Variants in SOX5 observed in about 807,000 individuals in gnomAD.
SOX5 encodes the protein SRY-box transcription factor 5.
In SOX5, 9 loss-of-function variants were observed where a neutral mutation model predicts 92.0. The ratio of observed to expected loss-of-function variants is 0.10; its 90% CI spans 0.06 to 0.17. The LOEUF (loss-of-function observed/expected upper bound fraction) is 0.17. SOX5 is among the 10% of genes least tolerant of loss of function. SOX5 has a pLI of 1.00. For missense variants in SOX5, 642 were observed against 944.5 expected, an observed-to-expected ratio of 0.68 and a Z score of 4.20; for synonymous variants, 344 against 336.3, an observed-to-expected ratio of 1.02 and a Z score of -0.25.
intron 7 of SOX5, among the ~76,000 whole-genome samples, chr12:23,654,129 G>A (rs2082020813): frequency 3.9e-5 from 6 of 152,076 alleles, no homozygotes; most frequent in Admixed American, 3.9e-4. Context: ...ACTTTGTTGA[G>A]TTGCAAATGT....
intron 4 of SOX5, among the ~76,000 whole-genome samples, chr12:24,116,766 G>A (rs1320199740): frequency 6.6e-6 from 1 of 152,154 alleles, no homozygotes; most frequent in African/African-American, 2.4e-5. Context: ...TATGGATGTA[G>A]TAAGGTACTG....
chr12:24,302,230 C>T (rs1948047165), intron 2 of SOX5, among the ~76,000 whole-genome samples: 5 of 152,116 alleles, frequency 3.3e-5, no homozygotes, highest in Admixed American at 3.3e-4. Flanking sequence ...GTTTCTCTCA[C>T]CCCTACATAT....
chr12:24,502,090 C>T lies in SOX5; in HGVS notation c.-251+60239G>A, dbSNP rs571636614. 7.9e-5 allele frequency among the ~76,000 whole-genome samples: 12 copies of T among 152,284 alleles called. No individual in the cohort carries two copies. In the South Asian group the frequency reaches 8.3e-4, roughly 11 times the overall value. ...GGCTCCACCTACAAACCTCTAAACACGCCAACTTATGTATTTAATATTTCT... is the reference window on the plus strand; with the variant it reads ...GGCTCCACCTACAAACCTCTAAACATGCCAACTTATGTATTTAATATTTCT... On this transcript the variant is annotated intron_variant, in intron 1 of 4. Coordinates refer to the SOX5 transcript ENST00000446891.
chr12:24,441,587 C>T (rs1353818369), intron 1 of SOX5, among the ~76,000 whole-genome samples: 13 of 152,010 alleles, frequency 8.6e-5, no homozygotes, highest in East Asian at 3.9e-4. Flanking sequence ...CAATCTGTGG[C>T]GGCATGCTAC....
At chr12:23,571,600 C>T (rs1442594350) in intron 10 of SOX5, among the ~76,000 whole-genome samples, 3 of 152,058 alleles carry the variant, frequency 2.0e-5, no homozygotes, top group Non-Finnish European at 4.4e-5. Context: ...CAAAAGGCAA[C>T]AACTAAAAAG....
chr12:23,578,835 T>C (rs1286846128), intron 9 of SOX5, among the ~76,000 whole-genome samples: 3 of 152,226 alleles, frequency 2.0e-5, no homozygotes, highest in African/African-American at 7.2e-5. Flanking sequence ...ATGATGCCTT[T>C]AGAACTTCTT....
chr12:23,637,815 T>G (rs368255038), intron 8 of SOX5, among the ~76,000 whole-genome samples: 40 of 152,152 alleles, frequency 2.6e-4, no homozygotes, highest in African/African-American at 8.7e-4. Flanking sequence ...GTGTATTATG[T>G]AACTAAAGAC....
At chr12:24,043,941 G>T (rs1385563714) in intron 4 of SOX5, among the ~76,000 whole-genome samples, 2 of 152,110 alleles carry the variant, frequency 1.3e-5, no homozygotes, top group Admixed American at 6.6e-5. Context: ...AACAAAGCAT[G>T]TACCCACTTC....
chr12:23,696,637 C>A (rs1177184858), intron 6 of SOX5, among the ~76,000 whole-genome samples: 1 of 151,826 alleles, frequency 6.6e-6, no homozygotes, highest in African/African-American at 2.4e-5. Flanking sequence ...TGGGTTTAAC[C>A]TTCTATGCTG....
intron 6 of SOX5, among the ~76,000 whole-genome samples, chr12:23,666,399 T>A (rs1292453263): frequency 1.3e-5 from 2 of 152,202 alleles, no homozygotes; most frequent in Non-Finnish European, 2.9e-5. Flanking sequence ...ATAGAATCAC[T>A]ATCTTGTTTG....
chr12:24,228,661 C>CGT, intron 3 of SOX5, among the ~76,000 whole-genome samples: 1 of 151,436 alleles, frequency 6.6e-6, no homozygotes, highest in South Asian at 2.1e-4. Flanking sequence ...TGTGTGTGTG[C>CGT]GTGTGTGTGC....
chr12:23,996,887 G>C (rs951239905), intron 4 of SOX5, among the ~76,000 whole-genome samples: 1 of 152,172 alleles, frequency 6.6e-6, no homozygotes, highest in South Asian at 2.1e-4. Flanking sequence ...AAACTATTTC[G>C]GAACTACACA....
chr12:24,400,636 C>T lies in SOX5; in HGVS notation c.-250-31997G>A, dbSNP rs77484270. On this transcript the variant is annotated intron_variant, in intron 1 of 4. Transcript: ENST00000446891. ...AAGTCTGGTTTCTTGTTTCTCTTCC[C>T]GAGTCTCCTTATCTAAATAGACAAA... Among the ~76,000 whole-genome samples the T allele has an allele frequency of 2.5e-3, 385 of 152,256 alleles. 1 individual carries two copies. Among genetic ancestry groups the T allele is most frequent in the Non-Finnish European group, 4.2e-3 (284 of 67,998 alleles).
At chr12:23,831,568 C>T (rs2096321543) in intron 3 of SOX5, among the ~76,000 whole-genome samples, 1 of 152,042 alleles carries the variant, frequency 6.6e-6, no homozygotes, top group Non-Finnish European at 1.5e-5. Context: ...CCATACATAC[C>T]TTTTGAAACT....
At chr12:23,560,077 T>G (rs1168768275) in intron 11 of SOX5, among the ~76,000 whole-genome samples, 2 of 152,012 alleles carry the variant, frequency 1.3e-5, no homozygotes, top group Non-Finnish European at 2.9e-5. Context: ...ACCCGGGTAA[T>G]TTTTTGTATC....
At chr12:24,372,865 C>A (rs1328266859) in intron 1 of SOX5, among the ~76,000 whole-genome samples, 1 of 151,662 alleles carries the variant, frequency 6.6e-6, no homozygotes, top group African/African-American at 2.4e-5. Context: ...CGTCTGTAAT[C>A]CCAGTACTTT....
chr12:24,065,660 A>G (rs767214943), intron 4 of SOX5, among the ~76,000 whole-genome samples: 1 of 108,822 alleles, frequency 9.2e-6, no homozygotes. Context: ...AAAAAAAAAA[A>G]AAAAAAGAAA....
intron 8 of SOX5, among the ~76,000 whole-genome samples, chr12:23,605,506 C>A (rs979262394): frequency 6.6e-6 from 1 of 150,646 alleles, no homozygotes; most frequent in South Asian, 2.1e-4. Context: ...CACACACACA[C>A]ACATCCCAGT....
chr12:23,751,646 T>C (rs557850842), intron 4 of SOX5, among the ~76,000 whole-genome samples: 16 of 152,012 alleles, frequency 1.1e-4, no homozygotes, highest in Admixed American at 3.3e-4. Flanking sequence ...GAATCTACAT[T>C]GCCCATGTCT....
Sources: gnomAD v4.1 joint callset for allele counts (sites outside exome capture counted in the v4.1 genomes callset) on GRCh38, gnomAD v4.1.1 for gene constraint, MANE v1.5 for transcripts, NCBI Gene and HGNC (gene_info 2026-07-23, HGNC 2026-07-21) for gene names.